GRAMD2B: variants seen among roughly 807,000 people sequenced by gnomAD.
The protein encoded by GRAMD2B is GRAM domain-containing protein 2B.
Under a neutral mutation model 59.2 loss-of-function variants are expected in GRAMD2B, and 41 were observed. The ratio of observed to expected loss-of-function variants is 0.69; its 90% CI spans 0.54 to 0.90. The LOEUF is 0.90. GRAMD2B is among the 40% of genes least tolerant of loss of function. The pLI, the probability that GRAMD2B is intolerant of heterozygous loss-of-function variation, is 0.00. For missense variants in GRAMD2B, 424 were observed against 500.5 expected, an observed-to-expected ratio of 0.85 and a Z score of 1.46; for synonymous variants, 161 against 182.7, an observed-to-expected ratio of 0.88 and a Z score of 0.96.
At chr5:126,368,924 A>T (rs896099176), upstream of GRAMD2B, among the ~76,000 whole-genome samples, 2 of 152,206 alleles carry the variant, frequency 1.3e-5, no homozygotes, top group Admixed American at 1.3e-4. Flanking sequence ...CTTCCAAAGC[A>T]TCGTGCATAT....
intron 1 of GRAMD2B, among the ~76,000 whole-genome samples, chr5:126,381,259 C>T (rs1402965259): frequency 6.6e-6 from 1 of 152,050 alleles, no homozygotes; most frequent in Non-Finnish European, 1.5e-5. Context: ...CCCACTTGAT[C>T]ATGGTAAATT....
At chr5:126,469,828 C>A in intron 3 of GRAMD2B, 40 bp downstream of exon 3, 6 of 1,445,930 alleles carry the variant, frequency 4.1e-6, no homozygotes, top group Non-Finnish European at 5.8e-6. Context: ...TAGAGGGTGA[C>A]AGGGCTACTG....
intron 1 of GRAMD2B, among the ~76,000 whole-genome samples, chr5:126,428,331 A>G (rs964313774): frequency 6.6e-6 from 1 of 152,018 alleles, no homozygotes; most frequent in African/African-American, 2.4e-5. Context: ...ATATATGAAA[A>G]CTCATATTTT....
At chr5:126,467,069 A>G (rs1418605423) in intron 2 of GRAMD2B, among the ~76,000 whole-genome samples, 1 of 152,026 alleles carries the variant, frequency 6.6e-6, no homozygotes, top group East Asian at 1.9e-4. Flanking sequence ...GTGGGTGGAT[A>G]ACTTGAGGTC....
intron 2 of GRAMD2B, chr5:126,466,355 C>G (rs114677996): frequency 1.9e-6 from 2 of 1,048,412 alleles, no homozygotes; most frequent in African/African-American, 1.6e-5. Flanking sequence ...TAACTCCTCC[C>G]GAAATTTTCC....
chr5:126,462,312 A>G, intron 1 of GRAMD2B: 1 of 482,950 alleles, frequency 2.1e-6, no homozygotes, highest in Non-Finnish European at 2.7e-6. Context: ...CATTGACAGT[A>G]ACTTAAAAGT....
chr5:126,492,871 T>G (rs754547039), intron 13 of GRAMD2B, 44 bp from the exon 14 acceptor site: 2 of 1,249,858 alleles, frequency 1.6e-6, no homozygotes, highest in Non-Finnish European at 2.3e-6. Flanking sequence ...CTTAATATAC[T>G]CCATTCTATT....
intron 1 of GRAMD2B, among the ~76,000 whole-genome samples, chr5:126,447,262 C>A (rs942831094): frequency 2.0e-5 from 3 of 152,200 alleles, no homozygotes; most frequent in African/African-American, 7.2e-5. Flanking sequence ...AACTCCTGGC[C>A]TTTCCCATGC....
At chr5:126,376,620 C>T (rs1251727092) in intron 1 of GRAMD2B, among the ~76,000 whole-genome samples, 1 of 152,164 alleles carries the variant, frequency 6.6e-6, no homozygotes, top group Non-Finnish European at 1.5e-5. Context: ...GACCCATTTT[C>T]ACTAGTCAAG....
chr5:126,490,312 T>C (rs1036774315), intron 13 of GRAMD2B: 2 of 150,896 alleles, frequency 1.3e-5, no homozygotes, highest in Non-Finnish European at 2.9e-5. Context: ...ACACATGGGA[T>C]CCTGCCGCCT....
Position 126,485,691 on chromosome 5 carries a change from T to A in GRAMD2B, c.976T>A (p.Ser326Thr), listed in dbSNP as rs1772776529. The A allele has an allele frequency of 6.2e-7, 1 of 1,608,678 alleles. No individual in the cohort carries two copies. Among genetic ancestry groups the A allele is most frequent in the Non-Finnish European group, 8.5e-7 (1 of 1,176,060 alleles). ...TTTTGTTTTCCTCCCAACAGGTCTGTCAGAAACTGTTGGAATCTTACATAA... is the reference window on the plus strand; with the variant it reads ...TTTTGTTTTCCTCCCAACAGGTCTGACAGAAACTGTTGGAATCTTACATAA... Reference protein sequence around the residue: ...KAKSLPVQGLSETVGILHKVK... With the variant: ...KAKSLPVQGLTETVGILHKVK... Residue 326 changes from serine (S) to threonine (T), a missense_variant, in exon 11 of 14, where the codon TCA (serine) becomes ACA (threonine). By Grantham distance (58) the Ser-to-Thr change is moderately conservative (BLOSUM62 1). Transcript: ENST00000285689.
Position 126,393,638 on chromosome 5 carries a change from C to T in GRAMD2B, c.125+22071C>T, listed in dbSNP as rs1285484372. On this transcript the variant is annotated intron_variant, in intron 1 of 8. Transcript: ENST00000506445. ...ACCTCCAAATAAGTCAACCTGGAAG[C>T]AAGACACAACATATGGAACCATTTG... is the stretch of plus-strand genomic sequence containing the variant. Among the ~76,000 whole-genome samples the T allele has an allele frequency of 3.9e-5, 6 of 152,298 alleles. No individual in the cohort carries two copies. The East Asian group carries it at 1.2e-3, about 29-fold the overall frequency.
intron 1 of GRAMD2B, among the ~76,000 whole-genome samples, chr5:126,460,206 C>T (rs4240399): frequency 0.86 from 131,129 of 152,188 alleles, 57,784 homozygotes; most frequent in East Asian, 1. Flanking sequence ...CGTTTACATA[C>T]GCACAGTCTC....
At chr5:126,477,140 A>G (rs1056512504) in intron 5 of GRAMD2B, among the ~76,000 whole-genome samples, 9 of 152,224 alleles carry the variant, frequency 5.9e-5, no homozygotes, top group African/African-American at 2.2e-4. Flanking sequence ...TCCTTTGACC[A>G]TCAATATCAG....
upstream of GRAMD2B, among the ~76,000 whole-genome samples, chr5:126,421,197 TG>T (rs151044031): frequency 4.6e-3 from 694 of 152,272 alleles, 7 homozygotes; most frequent in East Asian, 0.029. Context: ...ATTGTGAAAG[TG>T]TTGAATGCCA....
intron 3 of GRAMD2B, among the ~76,000 whole-genome samples, chr5:126,470,942 T>C (rs1769447023): frequency 6.6e-6 from 1 of 152,232 alleles, no homozygotes; most frequent in Non-Finnish European, 1.5e-5. Context: ...GTTTATGGCC[T>C]AGCATATTTT....
Position 126,360,405 on chromosome 5 carries a change from G to A in GRAMD2B, c.74G>A (p.Trp25Ter), listed in dbSNP as rs1754163116. The A allele has an allele frequency of 6.4e-7, 1 of 1,551,366 alleles. No individual in the cohort carries two copies. Among genetic ancestry groups the A allele is most frequent in the East Asian group, 2.4e-5 (1 of 40,914 alleles). The change falls in exon 1 of 14, where the codon TGG becomes TAG. Residue 25 changes from tryptophan to a stop codon, truncating the protein, a stop_gained. Transcript: ENST00000513040. LOFTEE classifies it high-confidence loss of function. ...ACATTCCAAGCACAGCTTATGCCCT[G>A]GAAGAGTATGTTCCACGGGAGAGAA... is the stretch of plus-strand genomic sequence containing the variant.
intron 3 of GRAMD2B, among the ~76,000 whole-genome samples, chr5:126,470,729 T>G (rs947879615): frequency 1.3e-5 from 2 of 152,140 alleles, no homozygotes; most frequent in East Asian, 3.9e-4. Flanking sequence ...CAGCTAATTT[T>G]TGTATTTTTA....
intron 5 of GRAMD2B, among the ~76,000 whole-genome samples, chr5:126,476,542 A>G (rs534686348): frequency 6.6e-6 from 1 of 152,342 alleles, no homozygotes; most frequent in South Asian, 2.1e-4. Context: ...GTGCCATTTG[A>G]TACATTCTTA....
Sources: allele counts gnomAD v4.1 joint callset (sites outside exome capture counted in the v4.1 genomes callset), GRCh38; gene constraint gnomAD v4.1.1; transcripts MANE v1.5; gene names NCBI Gene and HGNC (gene_info 2026-07-23, HGNC 2026-07-21).